SP140L: variants seen among roughly 807,000 people sequenced by gnomAD.
The protein encoded by SP140L is nuclear body protein SP140-like protein.
In SP140L, 64 loss-of-function variants were observed where a neutral mutation model predicts 84.3. The ratio of observed to expected loss-of-function variants is 0.76; its 90% confidence interval spans 0.62 to 0.94. The LOEUF (loss-of-function observed/expected upper bound fraction) is 0.94. SP140L is among the 40% of genes least tolerant of loss of function. The pLI, the probability that SP140L is intolerant of heterozygous loss-of-function variation, is 0.00. For synonymous variants in SP140L, 242 were observed against 236.9 expected, an observed-to-expected ratio of 1.02 and a Z score of -0.20; for missense variants, 628 against 692.5, an observed-to-expected ratio of 0.91 and a Z score of 1.05.
chr2:230,327,991 G>C (rs954864330), intron 1 of SP140L, among the ~76,000 whole-genome samples: 1 of 152,174 alleles, frequency 6.6e-6, no homozygotes, highest in African/African-American at 2.4e-5. Flanking sequence ...CCTCTGACCA[G>C]AAAAGAGATG....
intron 2 of SP140L, among the ~76,000 whole-genome samples, chr2:230,351,671 C>T (rs942590507): frequency 1.3e-4 from 19 of 151,888 alleles, no homozygotes; most frequent in African/African-American, 4.6e-4. Flanking sequence ...TTTTTCGAGA[C>T]GGAGTCTCAC....
chr2:230,393,335 T>G, intron 12 of SP140L, 79 bp from the exon 13 acceptor site: 1 of 1,466,794 alleles, frequency 6.8e-7, no homozygotes, highest in Non-Finnish European at 9.1e-7. Context: ...GTAGAAGTAT[T>G]TGGGAAGAGG....
At chr2:230,336,813 T>C (rs2059895751) in intron 2 of SP140L, among the ~76,000 whole-genome samples, 1 of 152,228 alleles carries the variant, frequency 6.6e-6, no homozygotes, top group African/African-American at 2.4e-5. Flanking sequence ...TCATGACTTC[T>C]ACTACATAGA....
chr2:230,343,861 T>C (rs1422312641), intron 2 of SP140L, among the ~76,000 whole-genome samples: 4 of 152,240 alleles, frequency 2.6e-5, no homozygotes, highest in Admixed American at 2.6e-4. Flanking sequence ...AATCTTGGTC[T>C]GATTTGATTG....
At chr2:230,354,060 G>A (rs1559419148) in intron 2 of SP140L, among the ~76,000 whole-genome samples, 1 of 152,078 alleles carries the variant, frequency 6.6e-6, no homozygotes, top group South Asian at 2.1e-4. Flanking sequence ...GATATAATTT[G>A]AAGCTTTAAT....
At chr2:230,393,082 A>T (rs1274658030) in intron 12 of SP140L, among the ~76,000 whole-genome samples, 2 of 152,168 alleles carry the variant, frequency 1.3e-5, no homozygotes, top group Admixed American at 6.5e-5. Flanking sequence ...TGCTGCTTGG[A>T]TAGCTCTGGT....
chr2:230,342,868 GT>G (rs1351987862), intron 2 of SP140L, among the ~76,000 whole-genome samples: 1 of 151,836 alleles, frequency 6.6e-6, no homozygotes, highest in African/African-American at 2.4e-5. Flanking sequence ...CTTTTCTACT[GT>G]TTTCCTATTC....
rs142689568 is a variant in SP140L, at chr2:230,395,669, C to T, written c.1156-1088C>T. ...GTAGGAGATTTAGGCTAGTCAGAGA[C>T]GCACTCAGTGACAAGGTCACCTCTC... On this transcript the variant is annotated intron_variant, in intron 13 of 18. Coordinates refer to ENST00000415673, the MANE Select transcript of SP140L (RefSeq NM_138402.6). 2.6e-5 allele frequency among the ~76,000 whole-genome samples: 4 copies of T among 152,278 alleles called. No individual in the cohort carries two copies. In the East Asian group the frequency reaches 7.7e-4, roughly 29 times the overall value.
intron 5 of SP140L, 74 bp from the exon 6 acceptor site, chr2:230,370,834 T>A: frequency 6.9e-7 from 1 of 1,446,314 alleles, no homozygotes. Context: ...AGTTCATAAA[T>A]CACAATTTTG....
At chr2:230,336,083 G>A (rs1247427123) in intron 2 of SP140L, among the ~76,000 whole-genome samples, 1 of 152,118 alleles carries the variant, frequency 6.6e-6, no homozygotes, top group Non-Finnish European at 1.5e-5. Flanking sequence ...CTGGGAAATG[G>A]GCAGGCAGTT....
chr2:230,378,269 A>G (rs2061310805), intron 7 of SP140L, among the ~76,000 whole-genome samples: 1 of 152,064 alleles, frequency 6.6e-6, no homozygotes, highest in Admixed American at 6.6e-5. Flanking sequence ...GTTTTTCAGA[A>G]TTGTTTTGGC....
chr2:230,342,788 G>A (rs1192304250), intron 2 of SP140L, among the ~76,000 whole-genome samples: 2 of 151,802 alleles, frequency 1.3e-5, no homozygotes, highest in Non-Finnish European at 2.9e-5. Flanking sequence ...ATTTCCCTTG[G>A]TTAGTCTAGC....
At chr2:230,400,311 G>A in intron 15 of SP140L, 69 bp downstream of exon 15, 4 of 1,477,016 alleles carry the variant, frequency 2.7e-6, no homozygotes, top group Non-Finnish European at 3.8e-6. Flanking sequence ...GCACTCTCCA[G>A]CAGAATGTCT....
At position 230,383,528 on chromosome 2, in the gene SP140L, G is replaced by C. The variant is rs1409550303; in HGVS notation, c.656G>C (p.Gly219Ala). ...TTTGAAGGAAAAAAGAAGGGGCATG[G>C]CTGGAGCAGAATGGGAACGAGAACG... ...KRKRRKKKGH[G>A]WSRMGTRTQK... The change falls in exon 8 of 19, where the codon GGC (glycine) becomes GCC (alanine). Residue 219 changes from glycine to alanine, a missense_variant. By Grantham distance (60) the Gly-to-Ala change is moderately conservative. Around this residue, in one of 4 missense-constraint regions of SP140L, gnomAD observed 525 missense variants for 518.4 expected, o/e 1.01. Coordinates refer to ENST00000415673, the MANE Select transcript of SP140L (RefSeq NM_138402.6). 4 of 1,605,592 alleles carry C rather than the reference G, an allele frequency of 2.5e-6. No homozygotes were observed. The highest frequency in any genetic ancestry group is 2.6e-6 in the Non-Finnish European group (3 of 1,175,970).
Position 230,393,443 on chromosome 2 carries a change from A to G in SP140L, c.1137A>G (p.Ile379Met). 6.3e-7 allele frequency: 1 copy of G among 1,580,544 alleles called. No individual in the cohort carries two copies. Among genetic ancestry groups the G allele is most frequent in the Non-Finnish European group, 8.6e-7 (1 of 1,165,570 alleles). Reference sequence around the variant, plus strand: ...GATCTCTACCTAATCCTCCAAGAATATATTACAGGAACAAAAAGGTGATTA... The same window carrying G: ...GATCTCTACCTAATCCTCCAAGAATGTATTACAGGAACAAAAAGGTGATTA... ...EEGSLPNPPR[I>M]YYRNKKRILK... The change falls in exon 13 of 19, where the codon ATA becomes ATG. Residue 379 changes from isoleucine (I) to methionine (M), a missense_variant. Ile to Met is a conservative substitution (Grantham distance 10). Around this residue, in one of 4 missense-constraint regions of SP140L, gnomAD observed 525 missense variants for 518.4 expected, o/e 1.01. Coordinates refer to ENST00000415673, the MANE Select transcript of SP140L (RefSeq NM_138402.6).
At chr2:230,345,256 C>G (rs2060174543) in intron 2 of SP140L, among the ~76,000 whole-genome samples, 1 of 152,180 alleles carries the variant, frequency 6.6e-6, no homozygotes, top group South Asian at 2.1e-4. Context: ...TATTGACCCT[C>G]TTTGTCTTAT....
chr2:230,374,907 A>G (rs2061195366), intron 7 of SP140L, among the ~76,000 whole-genome samples: 2 of 152,280 alleles, frequency 1.3e-5, no homozygotes, highest in East Asian at 1.9e-4. Context: ...GTCTTGCTTT[A>G]TTGCAATATT....
At chr2:230,358,709 T>C (rs903302587) in intron 3 of SP140L, among the ~76,000 whole-genome samples, 2 of 152,220 alleles carry the variant, frequency 1.3e-5, no homozygotes, top group Admixed American at 1.3e-4. Flanking sequence ...CCCACTTTTA[T>C]CCTTCAAAGT....
chr2:230,370,812 G>A (rs1310606629), intron 5 of SP140L, 96 bp from the exon 6 acceptor site: 1 of 1,201,104 alleles, frequency 8.3e-7, no homozygotes, highest in Non-Finnish European at 1.2e-6. Flanking sequence ...AGGGTTATTG[G>A]GGCAAATTAA....
Sources: allele counts gnomAD v4.1 joint callset (sites outside exome capture counted in the v4.1 genomes callset), GRCh38; gene constraint gnomAD v4.1.1; regional missense constraint gnomAD v4.1.1; transcripts MANE v1.5; gene names NCBI Gene and HGNC (gene_info 2026-07-23, HGNC 2026-07-21).